The following KCNMA1 variants were observed in gnomAD, a reference collection of about 807,000 sequenced individuals.
KCNMA1 encodes potassium calcium-activated channel subfamily M alpha 1.
A neutral mutation model predicts 140.0 loss-of-function variants in KCNMA1; 29 were observed. The observed-to-expected ratio is 0.21, with a 90% CI of 0.15 to 0.28. The LOEUF is 0.28. Ranked by LOEUF, KCNMA1 falls within the 10% of genes least tolerant of loss-of-function variation. The pLI is 1.00. For missense variants in KCNMA1, 880 were observed against 1,602.2 expected (o/e 0.55, Z 7.70); for synonymous variants, 612 against 611.9 (o/e 1.00, Z 0.00).
intron 2 of KCNMA1, among the ~76,000 whole-genome samples, chr10:77,342,044 C>G (rs1387508304): frequency 1.3e-5 from 2 of 152,184 alleles, no homozygotes; most frequent in Non-Finnish European, 2.9e-5. Flanking sequence ...TGCACTGATG[C>G]TGCTTCAAAG....
intron 1 of KCNMA1, among the ~76,000 whole-genome samples, chr10:77,577,931 C>T (rs1221438703): frequency 6.6e-6 from 1 of 152,202 alleles, no homozygotes; most frequent in Non-Finnish European, 1.5e-5. Flanking sequence ...TGATAAACAT[C>T]CAGTAAGGAC....
At chr10:76,900,032 T>G (rs16933996) in intron 25 of KCNMA1, among the ~76,000 whole-genome samples, 4,476 of 152,158 alleles carry the variant, frequency 0.029, 111 homozygotes, top group East Asian at 0.12. Flanking sequence ...TATTGAATCT[T>G]TATGGTACTG....
At chr10:77,413,060 G>A (rs1292544681) in intron 1 of KCNMA1, among the ~76,000 whole-genome samples, 1 of 152,028 alleles carries the variant, frequency 6.6e-6, no homozygotes, top group African/African-American at 2.4e-5. Flanking sequence ...GTTTCACCAT[G>A]TTGGCCAGGC....
intron 7 of KCNMA1, among the ~76,000 whole-genome samples, chr10:77,112,042 A>G (rs985651915): frequency 8.5e-5 from 13 of 152,344 alleles, no homozygotes; most frequent in African/African-American, 3.1e-4. Context: ...GACCTTTTCC[A>G]GGTGTTTGCT....
At chr10:77,167,030 A>G (rs1287625972) in intron 5 of KCNMA1, among the ~76,000 whole-genome samples, 5 of 152,096 alleles carry the variant, frequency 3.3e-5, no homozygotes, top group Non-Finnish European at 7.4e-5. Context: ...CCTAATGTTA[A>G]CTGGTCACCC....
At chr10:77,114,902 T>C (rs373290342) in intron 6 of KCNMA1, among the ~76,000 whole-genome samples, 1 of 152,208 alleles carries the variant, frequency 6.6e-6, no homozygotes, top group African/African-American at 2.4e-5. Flanking sequence ...TTTGGTCAGT[T>C]CATCTCTGTT....
At chr10:77,511,109 G>C (rs1439056315) in intron 1 of KCNMA1, among the ~76,000 whole-genome samples, 1 of 152,214 alleles carries the variant, frequency 6.6e-6, no homozygotes, top group Non-Finnish European at 1.5e-5. Flanking sequence ...AATTCATAGA[G>C]CATGAGAATC....
rs111735035 is a variant in KCNMA1 at position 77,340,554 on chromosome 10, C to T, written c.540+63308G>A. ...CCATAAAAAAAGGATGAGTTCATGT[C>T]CTTTGTAGGGACATGGATGAAGCTG... is the stretch of plus-strand genomic sequence containing the variant. On this transcript the variant is annotated intron_variant, in intron 2 of 27. Coordinates refer to ENST00000286628, the MANE Select transcript of KCNMA1 (RefSeq NM_001161352.2). 4.3e-3 allele frequency among the ~76,000 whole-genome samples: 654 copies of T among 152,176 alleles called. 6 individuals are homozygous for T. The highest frequency in any genetic ancestry group is 0.015 in the African/African-American group (616 of 41,512).
chr10:77,189,648 C>A (rs1311282243), intron 3 of KCNMA1, among the ~76,000 whole-genome samples: 1 of 152,122 alleles, frequency 6.6e-6, no homozygotes, highest in Non-Finnish European at 1.5e-5. Context: ...ACGGGACTGG[C>A]TGAGGAACAA....
At chr10:77,634,881 A>T (rs2093597146) in intron 1 of KCNMA1, 1 of 153,804 alleles carries the variant, frequency 6.5e-6, no homozygotes, top group Admixed American at 6.5e-5. Context: ...ACTTACCGTT[A>T]CTGCATATAA....
intron 18 of KCNMA1, among the ~76,000 whole-genome samples, chr10:77,010,859 C>G (rs1028240802): frequency 2.0e-5 from 3 of 151,966 alleles, no homozygotes; most frequent in East Asian, 2.0e-4. Context: ...ATTGTTCTTA[C>G]TCATCAGACC....
chr10:77,209,459 A>G (rs2045270204), intron 3 of KCNMA1, among the ~76,000 whole-genome samples: 1 of 152,222 alleles, frequency 6.6e-6, no homozygotes, highest in African/African-American at 2.4e-5. Context: ...AACATGATAG[A>G]GTACTGGCTC....
At chr10:77,611,457 A>G (rs2086844171) in intron 1 of KCNMA1, among the ~76,000 whole-genome samples, 1 of 152,176 alleles carries the variant, frequency 6.6e-6, no homozygotes, top group African/African-American at 2.4e-5. Flanking sequence ...ATCAAGGCTC[A>G]TCTGAAGTCA....
chr10:77,604,372 A>G (rs1163974965), intron 1 of KCNMA1, among the ~76,000 whole-genome samples: 2 of 152,236 alleles, frequency 1.3e-5, no homozygotes, highest in African/African-American at 2.4e-5. Flanking sequence ...AGAAGTCTCA[A>G]GAAAAAACAA....
At position 76,985,401 on chromosome 10, in the gene KCNMA1, CAG is replaced by C. The variant is rs532187896; in HGVS notation, c.2267-15336_2267-15335del. 6.7e-3 allele frequency among the ~76,000 whole-genome samples: 1,013 copies of C among 152,278 alleles called. 11 individuals carry two copies. Among genetic ancestry groups the C allele is most frequent in the African/African-American group, 0.023 (972 of 41,556 alleles). ...GGAAAATGCATTATAATCTTACTAA[CAG>C]AGCTTTTCCTTCACTTACAATTTAG... On this transcript the variant is annotated intron_variant, in intron 19 of 27. Coordinates refer to ENST00000286628, the MANE Select transcript of KCNMA1 (RefSeq NM_001161352.2).
At chr10:77,178,801 C>CG (rs1350379042) in intron 5 of KCNMA1, among the ~76,000 whole-genome samples, 10 of 152,146 alleles carry the variant, frequency 6.6e-5, no homozygotes, top group Non-Finnish European at 4.4e-5. Context: ...ATGAGACAGA[C>CG]GGACATATGA....
chr10:77,516,150 ATGTT>A (rs1386896496), intron 1 of KCNMA1, among the ~76,000 whole-genome samples: 4 of 152,026 alleles, frequency 2.6e-5, no homozygotes. Context: ...GGTCTGACAG[ATGTT>A]TAAGAAATCC....
intron 1 of KCNMA1, among the ~76,000 whole-genome samples, chr10:77,494,955 T>A (rs1447857513): frequency 2.0e-5 from 3 of 152,216 alleles, no homozygotes; most frequent in African/African-American, 7.2e-5. Flanking sequence ...TCTGTCTCTG[T>A]GTCCAAAGTT....
Position 76,887,096 on chromosome 10 carries a change from G to A in KCNMA1, c.*170C>T. ...TGCTGTTGTGCTCAAGGGTTTTATG[G>A]TGGTGAAATAAAAATGACAACCACA... On this transcript the variant is annotated 3_prime_UTR_variant, in exon 28 of 28. Transcript: ENST00000286628. 5 of 1,559,876 alleles carry A rather than the reference G, an allele frequency of 3.2e-6. No homozygotes were observed. In the Admixed American group the frequency reaches 6.9e-5, roughly 22 times the overall value.
Sources: gnomAD v4.1 joint callset for allele counts (sites outside exome capture counted in the v4.1 genomes callset) on GRCh38, gnomAD v4.1.1 for gene constraint, MANE v1.5 for transcripts, NCBI Gene and HGNC (gene_info 2026-07-23, HGNC 2026-07-21) for gene names.